Variants in ABCB11 observed in about 807,000 individuals in gnomAD.
ABCB11 encodes ATP binding cassette subfamily B member 11, also known as bile salt export pump.
A neutral mutation model predicts 148.0 loss-of-function variants in ABCB11; 95 were observed. The ratio of observed to expected loss-of-function variants is 0.64; its 90% CI spans 0.54 to 0.76. The LOEUF is 0.76. ABCB11 is among the 30% of genes least tolerant of loss of function. The pLI, the probability that ABCB11 is intolerant of heterozygous loss-of-function variation, is 0.00. For synonymous variants in ABCB11, 591 were observed against 555.4 expected (o/e 1.06, Z -0.90); for missense variants, 1,523 against 1,617.8 (o/e 0.94, Z 1.01).
chr2:168,976,491 T>C, intron 12 of ABCB11, 86 bp downstream of exon 12: 1 of 748,852 alleles, frequency 1.3e-6, no homozygotes, highest in Non-Finnish European at 2.1e-6. Context: ...AGAGTCAGGC[T>C]TCAGAAAATG....
chr2:169,014,229 T>TGTGTG, intron 4 of ABCB11, 74 bp downstream of exon 4: 1 of 1,413,984 alleles, frequency 7.1e-7, no homozygotes, highest in Non-Finnish European at 1.0e-6. Flanking sequence ...TGACTAAAGA[T>TGTGTG]TTAACACTCC....
intron 11 of ABCB11, among the ~76,000 whole-genome samples, chr2:168,978,173 T>C (rs931850261): frequency 7.4e-6 from 1 of 134,338 alleles, no homozygotes; most frequent in South Asian, 2.5e-4. Context: ...AGAGACAGGG[T>C]TTCACTCTGT....
intron 8 of ABCB11, among the ~76,000 whole-genome samples, chr2:168,993,473 A>G (rs1694608558): frequency 6.6e-6 from 1 of 152,154 alleles, no homozygotes; most frequent in South Asian, 2.1e-4. Context: ...CTAGAGAAAC[A>G]GTGAATGCTC....
At chr2:168,966,549 C>G (rs953511553) in intron 17 of ABCB11, among the ~76,000 whole-genome samples, 1 of 151,856 alleles carries the variant, frequency 6.6e-6, no homozygotes, top group Non-Finnish European at 1.5e-5. Flanking sequence ...CTGTGTACCA[C>G]TTCTCACTGC....
chr2:168,922,427 T>G lies in ABCB11; in HGVS notation c.*1195A>C, dbSNP rs1691109046. Among the ~76,000 whole-genome samples, 2 of 152,190 alleles carry G rather than the reference T, an allele frequency of 1.3e-5. No homozygotes were observed. Among genetic ancestry groups the G allele is most frequent in the Admixed American group, 6.5e-5 (1 of 15,272 alleles). On this transcript the variant is annotated 3_prime_UTR_variant, in exon 28 of 28. Coordinates refer to ENST00000650372, the MANE Select transcript of ABCB11 (RefSeq NM_003742.4). ...TCTGCAATTCTGTTTCCATACAGGC[T>G]TTTGGTCCATTCTTCTGTCTTCAGT...
chr2:169,026,996 G>C (rs1385646398), intron 1 of ABCB11, among the ~76,000 whole-genome samples: 1 of 152,094 alleles, frequency 6.6e-6, no homozygotes, highest in African/African-American at 2.4e-5. Context: ...CTAATAACTT[G>C]ATTTGAGTTT....
At chr2:169,004,432 T>C (rs181500798) in intron 5 of ABCB11, among the ~76,000 whole-genome samples, 73 of 152,318 alleles carry the variant, frequency 4.8e-4, no homozygotes, top group African/African-American at 1.5e-3. Context: ...CTCTGAAGTT[T>C]CTTTCTTCTG....
chr2:168,925,890 A>G lies in ABCB11; in HGVS notation c.3619-1087T>C, dbSNP rs144814291. 2.7e-3 allele frequency among the ~76,000 whole-genome samples: 414 copies of G among 152,342 alleles called. 3 individuals are homozygous for G. Among genetic ancestry groups the G allele is most frequent in the African/African-American group, 9.5e-3 (395 of 41,572 alleles). ...TAGCTATTCAATAAGGGTTTGTGGG[A>G]TAAATGAATCTTCCAGGAGACACAC... On this transcript the variant is annotated intron_variant, in intron 26 of 27. Coordinates refer to ENST00000650372, the MANE Select transcript of ABCB11 (RefSeq NM_003742.4).
rs530368581 is a variant in ABCB11, at chr2:168,964,912, A to G, written c.2076-604T>C. The stretch of plus-strand genomic sequence containing the variant: ...TTCAACAGAAGCTTATTGGGCATCT[A>G]CAACTTACAAACCAATGCCAGGTGA... On this transcript the variant is annotated intron_variant, in intron 17 of 27. Coordinates refer to ENST00000650372, the MANE Select transcript of ABCB11 (RefSeq NM_003742.4). 1.4e-4 allele frequency among the ~76,000 whole-genome samples: 22 copies of G among 151,966 alleles called. No individual in the cohort carries two copies. In the Middle Eastern group the frequency reaches 0.01, roughly 70 times the overall value.
chr2:169,016,913 G>T, intron 2 of ABCB11, 114 bp from the exon 3 acceptor site: 8 of 656,320 alleles, frequency 1.2e-5, no homozygotes, highest in East Asian at 3.4e-5. Flanking sequence ...CTTTATTCAT[G>T]GAATATTAGC....
downstream of ABCB11, among the ~76,000 whole-genome samples, chr2:168,916,005 C>T (rs1361626254): frequency 6.6e-6 from 1 of 152,182 alleles, no homozygotes; most frequent in African/African-American, 2.4e-5. Context: ...AACTATTTTG[C>T]AGTAACATGC....
chr2:168,938,010 A>G (rs1032986795), intron 21 of ABCB11, among the ~76,000 whole-genome samples: 3 of 152,172 alleles, frequency 2.0e-5, no homozygotes, highest in Non-Finnish European at 4.4e-5. Context: ...ACTTCTTTTT[A>G]AAATTGTAGA....
At chr2:169,000,818 C>T (rs1172206431) in intron 5 of ABCB11, among the ~76,000 whole-genome samples, 3 of 152,042 alleles carry the variant, frequency 2.0e-5, no homozygotes, top group Non-Finnish European at 4.4e-5. Flanking sequence ...AAAAATCTTG[C>T]TTATATTTTG....
chr2:168,945,115 T>C (rs1692243907), intron 19 of ABCB11, among the ~76,000 whole-genome samples, 154 bp from the exon 20 acceptor site: 1 of 151,926 alleles, frequency 6.6e-6, no homozygotes, highest in African/African-American at 2.4e-5. Context: ...ATGTAAGCTG[T>C]GGATCTGTGA....
Position 168,956,657 on chromosome 2 carries a change from T to C in ABCB11, c.2343+1307A>G, listed in dbSNP as rs563971274. Among the ~76,000 whole-genome samples the C allele has an allele frequency of 4.0e-5, 6 of 151,608 alleles. No homozygotes were observed. The South Asian group carries it at 1.2e-3, about 32-fold the overall frequency. ...TCTCCCCTCTCTCTCCTTGAAGCAG[T>C]GCAGAGGCAGTGCATGTTTGTATAT... On this transcript the variant is annotated intron_variant, in intron 19 of 27. Transcript: ENST00000650372.
intron 18 of ABCB11, among the ~76,000 whole-genome samples, chr2:168,963,601 T>C (rs1167125910): frequency 6.6e-6 from 1 of 151,788 alleles, no homozygotes; most frequent in Non-Finnish European, 1.5e-5. Flanking sequence ...CTTTCCTAGC[T>C]CTTTAATTTT....
chr2:168,981,480 C>T (rs1694136167), intron 10 of ABCB11, among the ~76,000 whole-genome samples: 2 of 152,236 alleles, frequency 1.3e-5, no homozygotes, highest in South Asian at 2.1e-4. Flanking sequence ...AGGATTATTA[C>T]AGGATCAAAT....
intron 14 of ABCB11, 153 bp from the exon 15 acceptor site, chr2:168,970,368 G>A: frequency 6.6e-7 from 1 of 1,526,594 alleles, no homozygotes; most frequent in Non-Finnish European, 8.8e-7. Flanking sequence ...TTCCCCAGAC[G>A]GGTTATTGTC....
chr2:168,979,672 C>CAAAA (rs55859131), intron 11 of ABCB11, among the ~76,000 whole-genome samples, 194 bp downstream of exon 11: 9 of 100,148 alleles, frequency 9.0e-5, no homozygotes, highest in South Asian at 6.1e-4. Flanking sequence ...AACTCCATCT[C>CAAAA]AAAAAAAAAA....
Sources: allele counts gnomAD v4.1 joint callset (sites outside exome capture counted in the v4.1 genomes callset), GRCh38; gene constraint gnomAD v4.1.1; transcripts MANE v1.5; gene names NCBI Gene and HGNC (gene_info 2026-07-23, HGNC 2026-07-21).